Variants in CCSER1 observed in about 807,000 individuals in gnomAD.
CCSER1 encodes serine-rich coiled-coil domain-containing protein 1.
CCSER1 carries 41 observed loss-of-function variants against 82.0 expected under a neutral mutation model. The observed-to-expected ratio is 0.50, with a 90% CI of 0.39 to 0.65. The LOEUF is 0.65. Among genes scored for constraint, CCSER1 ranks in the 30% least tolerant of loss-of-function variants. The pLI, the probability that CCSER1 is intolerant of heterozygous loss-of-function variation, is 0.00. For synonymous variants in CCSER1, 414 were observed against 383.9 expected, an observed-to-expected ratio of 1.08 and a Z score of -0.92; for missense variants, 1,119 against 1,064.2, an observed-to-expected ratio of 1.05 and a Z score of -0.72.
At chr4:91,132,482 G>A (rs567946071) in intron 10 of CCSER1, among the ~76,000 whole-genome samples, 15 of 152,284 alleles carry the variant, frequency 9.9e-5, no homozygotes, top group African/African-American at 3.6e-4. Context: ...TTTCACAATT[G>A]CCCTGCAATT....
At chr4:90,260,798 CT>C (rs1239693163) in intron 1 of CCSER1, among the ~76,000 whole-genome samples, 1 of 152,316 alleles carries the variant, frequency 6.6e-6, no homozygotes, top group East Asian at 1.9e-4. Context: ...TCACTGCAAC[CT>C]CCGCCTCCTG....
intron 10 of CCSER1, among the ~76,000 whole-genome samples, chr4:91,498,619 A>G (rs2110088433): frequency 6.6e-6 from 1 of 151,802 alleles, no homozygotes; most frequent in East Asian, 1.9e-4. Flanking sequence ...TATCTAAATA[A>G]ACTTTATAAT....
At chr4:90,508,176 C>G (rs531046778) in intron 5 of CCSER1, among the ~76,000 whole-genome samples, 10 of 152,048 alleles carry the variant, frequency 6.6e-5, no homozygotes, top group Non-Finnish European at 1.2e-4. Context: ...AAAAATTGTA[C>G]TGAAAATTGC....
In CCSER1 at chr4:90,552,332, T is replaced by C. The variant is rs113248184; in HGVS notation, c.1725-75693T>C. ...TAAACTAATGTGGTATATACTAGAC[T>C]CATATTCCAACACAAACATTCATAA... On this transcript the variant is annotated intron_variant, in intron 5 of 10. Transcript: ENST00000509176. Among the ~76,000 whole-genome samples, 1,147 of 152,234 alleles carry C rather than the reference T, an allele frequency of 7.5e-3. 18 individuals carry two copies. The highest frequency in any genetic ancestry group is 0.022 in the African/African-American group (929 of 41,548).
chr4:90,418,298 A>T (rs150935841), intron 4 of CCSER1, among the ~76,000 whole-genome samples: 6 of 152,086 alleles, frequency 3.9e-5, no homozygotes, highest in Non-Finnish European at 8.8e-5. Context: ...ACCTGTATGT[A>T]GGCCAATCAG....
intron 1 of CCSER1, among the ~76,000 whole-genome samples, chr4:90,223,103 ATC>A (rs1394715067): frequency 6.6e-6 from 1 of 152,094 alleles, no homozygotes; most frequent in Non-Finnish European, 1.5e-5. Flanking sequence ...AACTACACTC[ATC>A]TCCCTTCTGT....
At chr4:90,863,879 C>A (rs1006164178) in intron 8 of CCSER1, among the ~76,000 whole-genome samples, 1 of 151,690 alleles carries the variant, frequency 6.6e-6, no homozygotes, top group Non-Finnish European at 1.5e-5. Flanking sequence ...AGCCCTTTAG[C>A]GCTTTGTTGA....
At chr4:91,236,638 G>A (rs1343858025) in intron 10 of CCSER1, among the ~76,000 whole-genome samples, 1 of 152,044 alleles carries the variant, frequency 6.6e-6, no homozygotes, top group East Asian at 1.9e-4. Flanking sequence ...CTATTTGTAT[G>A]ATCAATGCAT....
chr4:90,409,068 G>T (rs1754232208), intron 4 of CCSER1, among the ~76,000 whole-genome samples: 2 of 152,056 alleles, frequency 1.3e-5, no homozygotes, highest in South Asian at 4.1e-4. Context: ...AGTGAGAAGA[G>T]AAGTTTAGAG....
At chr4:90,244,805 G>A (rs1292168054) in intron 1 of CCSER1, among the ~76,000 whole-genome samples, 1 of 152,088 alleles carries the variant, frequency 6.6e-6, no homozygotes, top group Non-Finnish European at 1.5e-5. Context: ...TTTGCGTGGG[G>A]ACACAAAGCC....
At chr4:90,323,129 C>T (rs1737477783) in intron 3 of CCSER1, among the ~76,000 whole-genome samples, 1 of 152,092 alleles carries the variant, frequency 6.6e-6, no homozygotes, top group African/African-American at 2.4e-5. Flanking sequence ...GAGCTGGTTA[C>T]CAGTTGCAAG....
chr4:90,774,768 T>C (rs7664025), intron 7 of CCSER1, among the ~76,000 whole-genome samples: 101,886 of 151,858 alleles, frequency 0.67, 34,429 homozygotes, highest in African/African-American at 0.74. Context: ...GCCTGGCATA[T>C]GAAACAATTT....
intron 9 of CCSER1, among the ~76,000 whole-genome samples, chr4:90,993,114 A>G (rs1375128129): frequency 2.0e-5 from 3 of 152,046 alleles, no homozygotes; most frequent in African/African-American, 4.8e-5. Flanking sequence ...TCCAAAATCT[A>G]TGTCCCAGCC....
chr4:91,404,881 A>G (rs141214539), intron 10 of CCSER1, among the ~76,000 whole-genome samples: 2,697 of 152,150 alleles, frequency 0.018, 57 homozygotes, highest in African/African-American at 0.06. Context: ...GTTGATTTGG[A>G]GTGGAGAGTT....
At chr4:90,685,376 T>C (rs546910859) in intron 6 of CCSER1, among the ~76,000 whole-genome samples, 94 of 152,270 alleles carry the variant, frequency 6.2e-4, no homozygotes, top group Non-Finnish European at 1.2e-3. Context: ...TTTTTCAGAA[T>C]TATCCAATTC....
chr4:91,489,452 G>GT (rs1245509791), intron 10 of CCSER1, among the ~76,000 whole-genome samples: 1 of 152,142 alleles, frequency 6.6e-6, no homozygotes, highest in Admixed American at 6.5e-5. Context: ...CCCTGGAACA[G>GT]TTAGATAGTC....
chr4:90,315,286 G>A (rs1393784855), intron 3 of CCSER1, among the ~76,000 whole-genome samples: 4 of 152,142 alleles, frequency 2.6e-5, no homozygotes, highest in South Asian at 4.1e-4. Context: ...CACCACTGCC[G>A]TGGTGGTGGA....
intron 6 of CCSER1, among the ~76,000 whole-genome samples, chr4:90,695,637 A>G (rs1045602589): frequency 2.0e-5 from 3 of 152,012 alleles, no homozygotes; most frequent in African/African-American, 7.2e-5. Context: ...TGTACATGGG[A>G]CTTTTACTTG....
chr4:91,100,441 T>A (rs902647527), intron 10 of CCSER1, among the ~76,000 whole-genome samples: 1 of 152,138 alleles, frequency 6.6e-6, no homozygotes, highest in African/African-American at 2.4e-5. Context: ...AGTGTTTGAG[T>A]GTCATGCTAT....
Sources: gnomAD v4.1 joint callset for allele counts (sites outside exome capture counted in the v4.1 genomes callset) on GRCh38, gnomAD v4.1.1 for gene constraint, MANE v1.5 for transcripts, NCBI Gene and HGNC (gene_info 2026-07-23, HGNC 2026-07-21) for gene names.